Variants in GLIS1 observed in about 807,000 individuals in gnomAD.
GLIS1 encodes the protein GLIS family zinc finger 1.
GLIS1 carries 24 observed loss-of-function variants against 63.8 expected under a neutral mutation model. That is an observed-to-expected ratio of 0.38 (90% CI 0.27 to 0.53). GLIS1 has a LOEUF of 0.53. Among genes scored for constraint, GLIS1 ranks in the 20% least tolerant of loss-of-function variants. The pLI, the probability that GLIS1 is intolerant of heterozygous loss-of-function variation, is 0.85. For synonymous variants in GLIS1, 450 were observed against 482.5 expected, an observed-to-expected ratio of 0.93 and a Z score of 0.88; for missense variants, 1,036 against 1,074.1, an observed-to-expected ratio of 0.96 and a Z score of 0.50.
intron 2 of GLIS1, among the ~76,000 whole-genome samples, chr1:53,666,804 G>A (rs78048378): frequency 0.025 from 3,840 of 152,124 alleles, 184 homozygotes; most frequent in African/African-American, 0.089. Context: ...GCAGGGCAGG[G>A]GTGATGAAGT....
rs573584370 is a variant in GLIS1, at chr1:53,557,397, G to T, written c.1321-27445C>A. 2.0e-5 allele frequency among the ~76,000 whole-genome samples: 3 copies of T among 152,266 alleles called. No individual in the cohort carries two copies. The South Asian group carries it at 6.2e-4, about 32-fold the overall frequency. ...TCACTCAGATAGTCATAGCAATTGG[G>T]ATTTGACTCAAGCAGTCTGCCTCTA... On this transcript the variant is annotated intron_variant, in intron 4 of 10. Transcript: ENST00000628545.
At chr1:53,513,022 G>C (rs577597319) in intron 8 of GLIS1, among the ~76,000 whole-genome samples, 42 of 152,200 alleles carry the variant, frequency 2.8e-4, no homozygotes, top group Non-Finnish European at 1.0e-4. Flanking sequence ...CAGCAGCTGA[G>C]GCTCAAGGAG....
chr1:53,626,901 C>T (rs1002829137), intron 2 of GLIS1, among the ~76,000 whole-genome samples: 4 of 152,250 alleles, frequency 2.6e-5, no homozygotes, highest in Admixed American at 1.3e-4. Flanking sequence ...TTCATTTTCG[C>T]TGAATAAATA....
chr1:53,516,019 C>T (rs1644349061), intron 7 of GLIS1, among the ~76,000 whole-genome samples: 1 of 152,072 alleles, frequency 6.6e-6, no homozygotes, highest in Non-Finnish European at 1.5e-5. Context: ...TTTCTGAAAT[C>T]CATGCATCCA....
chr1:53,510,631 G>C (rs1438261565), intron 8 of GLIS1, among the ~76,000 whole-genome samples: 1 of 152,188 alleles, frequency 6.6e-6, no homozygotes, highest in Non-Finnish European at 1.5e-5. Flanking sequence ...ACATCTCAGG[G>C]GTTATGGTGA....
intron 7 of GLIS1, among the ~76,000 whole-genome samples, chr1:53,519,068 C>T (rs577727398): frequency 2.0e-4 from 30 of 152,242 alleles, no homozygotes; most frequent in Non-Finnish European, 3.1e-4. Context: ...CCAAGGCCTT[C>T]TCGACACAGA....
intron 2 of GLIS1, among the ~76,000 whole-genome samples, chr1:53,719,251 C>T (rs1401517117): frequency 6.6e-6 from 1 of 152,258 alleles, no homozygotes; most frequent in Non-Finnish European, 1.5e-5. Flanking sequence ...CAAATGCACT[C>T]ACTGCTCGGC....
chr1:53,699,787 T>A (rs1328746646), intron 2 of GLIS1, among the ~76,000 whole-genome samples: 3 of 152,180 alleles, frequency 2.0e-5, no homozygotes, highest in Non-Finnish European at 4.4e-5. Flanking sequence ...TGTCCTCACA[T>A]GGCAGGAAAT....
intron 4 of GLIS1, among the ~76,000 whole-genome samples, chr1:53,561,540 G>A (rs1329392958): frequency 2.0e-5 from 3 of 152,188 alleles, no homozygotes; most frequent in Admixed American, 1.3e-4. Context: ...ATCTGCCCTC[G>A]CTCTGTGGCT....
chr1:53,510,830 C>T (rs1644291753), intron 8 of GLIS1, among the ~76,000 whole-genome samples: 1 of 152,238 alleles, frequency 6.6e-6, no homozygotes, highest in Admixed American at 6.5e-5. Flanking sequence ...GGCCATCTCT[C>T]CTCCACTTGC....
rs369414738 is a variant in GLIS1 at position 53,666,501 on chromosome 1, G to T, written c.260-66223C>A. On this transcript the variant is annotated intron_variant, in intron 2 of 10. Transcript: ENST00000628545. ...CCCAAATTCCAGTGGCTGACAAAGA[G>T]CCCAGGTATCAGAAGCAGCTCTCAG... Among the ~76,000 whole-genome samples the T allele has an allele frequency of 9.0e-4, 137 of 152,238 alleles. 2 individuals carry two copies. In the South Asian group the frequency reaches 0.028, roughly 31 times the overall value.
intron 2 of GLIS1, among the ~76,000 whole-genome samples, chr1:53,638,803 T>C (rs2950239): frequency 0.99 from 150,904 of 152,238 alleles, 74,803 homozygotes; most frequent in Middle Eastern, 1. Context: ...CTGGAGGGAG[T>C]GGCCGGGGGA....
intron 3 of GLIS1, among the ~76,000 whole-genome samples, chr1:53,595,615 T>G (rs1002382541): frequency 5.9e-5 from 9 of 152,194 alleles, no homozygotes; most frequent in African/African-American, 1.4e-4. Flanking sequence ...TCCCTCTCCG[T>G]GGCCTTCTAG....
chr1:53,545,832 G>A (rs1027122595), intron 4 of GLIS1, among the ~76,000 whole-genome samples: 20 of 152,218 alleles, frequency 1.3e-4, no homozygotes, highest in African/African-American at 4.6e-4. Context: ...GTGCCCTTGC[G>A]TGAGTCGCTG....
At chr1:53,525,749 C>T (rs1039101957) in intron 5 of GLIS1, among the ~76,000 whole-genome samples, 8 of 151,898 alleles carry the variant, frequency 5.3e-5, no homozygotes, top group East Asian at 1.9e-4. Context: ...CTCCCGGCAC[C>T]GCAGGCCCTA....
chr1:53,690,639 G>A (rs1557523908), intron 2 of GLIS1, among the ~76,000 whole-genome samples: 1 of 152,198 alleles, frequency 6.6e-6, no homozygotes, highest in South Asian at 2.1e-4. Context: ...GTCATCCAGA[G>A]AGGCAGGCAG....
chr1:53,595,084 G>T, intron 3 of GLIS1, 94 bp from the exon 4 acceptor site: 6 of 1,173,720 alleles, frequency 5.1e-6, no homozygotes, highest in Non-Finnish European at 5.6e-6. Context: ...AGGATCAAGG[G>T]ATGGACAAGC....
chr1:53,525,284 G>A (rs1644454298), intron 5 of GLIS1, among the ~76,000 whole-genome samples: 1 of 151,264 alleles, frequency 6.6e-6, no homozygotes, highest in South Asian at 2.1e-4. Context: ...CTCTGCAGAT[G>A]GGGAGGAGGA....
chr1:53,528,038 C>T (rs533978199), intron 5 of GLIS1, among the ~76,000 whole-genome samples: 1 of 152,172 alleles, frequency 6.6e-6, no homozygotes, highest in East Asian at 1.9e-4. Flanking sequence ...GGAGAGGGTG[C>T]AGGGAGGCCT....
Sources: gnomAD v4.1 joint callset for allele counts (sites outside exome capture counted in the v4.1 genomes callset) on GRCh38, gnomAD v4.1.1 for gene constraint, MANE v1.5 for transcripts, NCBI Gene and HGNC (gene_info 2026-07-23, HGNC 2026-07-21) for gene names.